RABGAP1L: variants seen among roughly 807,000 people sequenced by gnomAD.
RABGAP1L encodes RAB GTPase activating protein 1 like.
In RABGAP1L, 63 loss-of-function variants were observed where a neutral mutation model predicts 137.7. That is an observed-to-expected ratio of 0.46 (90% CI 0.37 to 0.56). The LOEUF (loss-of-function observed/expected upper bound fraction) is 0.56. Ranked by LOEUF, RABGAP1L falls within the 20% of genes least tolerant of loss-of-function variation. The pLI, the probability that RABGAP1L is intolerant of heterozygous loss-of-function variation, is 0.00. For missense variants in RABGAP1L, 1,095 were observed against 1,244.0 expected, an observed-to-expected ratio of 0.88 and a Z score of 1.80; for synonymous variants, 431 against 433.7, an observed-to-expected ratio of 0.99 and a Z score of 0.08.
chr1:174,607,788 C>T (rs1670895673), intron 13 of RABGAP1L, among the ~76,000 whole-genome samples: 1 of 152,136 alleles, frequency 6.6e-6, no homozygotes, highest in Non-Finnish European at 1.5e-5. Flanking sequence ...AGCATTTTAG[C>T]CTAGGCTGAG....
intron 18 of RABGAP1L, among the ~76,000 whole-genome samples, chr1:174,780,373 C>T (rs919588725): frequency 1.3e-5 from 2 of 152,130 alleles, no homozygotes; most frequent in South Asian, 2.1e-4. Context: ...ACATACCTTA[C>T]GCTTGCCTGC....
intron 14 of RABGAP1L, among the ~76,000 whole-genome samples, chr1:174,666,387 G>A (rs1351967010): frequency 1.3e-5 from 2 of 152,146 alleles, no homozygotes; most frequent in Non-Finnish European, 2.9e-5. Flanking sequence ...TCTTCTCAGC[G>A]TTGCTATTCA....
At chr1:174,823,707 A>G (rs952136547) in intron 19 of RABGAP1L, among the ~76,000 whole-genome samples, 1 of 152,212 alleles carries the variant, frequency 6.6e-6, no homozygotes, top group African/African-American at 2.4e-5. Context: ...AGAAGATTCA[A>G]AAGGTTCCCA....
chr1:174,247,131 A>G (rs1672332961), intron 5 of RABGAP1L, among the ~76,000 whole-genome samples: 1 of 152,124 alleles, frequency 6.6e-6, no homozygotes, highest in Non-Finnish European at 1.5e-5. Flanking sequence ...AGAATTTGCC[A>G]AGTTCTTTGA....
chr1:174,399,831 T>C (rs1648333441), intron 13 of RABGAP1L, among the ~76,000 whole-genome samples: 1 of 152,162 alleles, frequency 6.6e-6, no homozygotes, highest in Non-Finnish European at 1.5e-5. Context: ...ACGAGAACAC[T>C]GTGGGGTAAA....
At chr1:174,410,842 T>G (rs1649840906) in intron 13 of RABGAP1L, among the ~76,000 whole-genome samples, 1 of 152,230 alleles carries the variant, frequency 6.6e-6, no homozygotes, top group Non-Finnish European at 1.5e-5. Context: ...GTATGGCCAC[T>G]TTAATGAAAT....
At chr1:174,849,014 CTTT>C (rs1488899576) in intron 19 of RABGAP1L, among the ~76,000 whole-genome samples, 5 of 152,150 alleles carry the variant, frequency 3.3e-5, no homozygotes, top group Admixed American at 6.5e-5. Flanking sequence ...TCACCGCTTT[CTTT>C]GACTCAGAAA....
At chr1:174,652,600 C>T (rs1408703523) in intron 14 of RABGAP1L, among the ~76,000 whole-genome samples, 1 of 152,176 alleles carries the variant, frequency 6.6e-6, no homozygotes, top group Non-Finnish European at 1.5e-5. Context: ...CATTCCAGAC[C>T]TTGTTTGCCT....
At chr1:174,423,898 TTC>T (rs906229163) in intron 13 of RABGAP1L, among the ~76,000 whole-genome samples, 2 of 152,164 alleles carry the variant, frequency 1.3e-5, no homozygotes, top group African/African-American at 4.8e-5. Flanking sequence ...GAACCAAACT[TTC>T]TCTGTTTTTA....
intron 19 of RABGAP1L, among the ~76,000 whole-genome samples, chr1:174,858,456 G>T (rs1321568115): frequency 6.6e-6 from 1 of 152,096 alleles, no homozygotes; most frequent in African/African-American, 2.4e-5. Context: ...GGTGTGCAGA[G>T]GCCAATGATT....
chr1:174,583,308 A>C (rs1453482746), intron 13 of RABGAP1L, among the ~76,000 whole-genome samples: 2 of 152,110 alleles, frequency 1.3e-5, no homozygotes, highest in African/African-American at 4.8e-5. Context: ...TAAAAATTCC[A>C]TTTCAAGGGA....
chr1:174,932,162 A>G (rs1663938278), intron 19 of RABGAP1L, among the ~76,000 whole-genome samples: 1 of 151,466 alleles, frequency 6.6e-6, no homozygotes, highest in East Asian at 1.9e-4. Flanking sequence ...CTTTTCCTTC[A>G]TATAGGATGA....
At chr1:174,394,262 C>G in intron 13 of RABGAP1L, 117 bp downstream of exon 13, 1 of 1,218,500 alleles carries the variant, frequency 8.2e-7, no homozygotes, top group East Asian at 2.5e-5. Flanking sequence ...ATATTGAGGT[C>G]GTGAAGTCAG....
At chr1:174,462,399 A>G (rs1656788330) in intron 13 of RABGAP1L, among the ~76,000 whole-genome samples, 1 of 152,192 alleles carries the variant, frequency 6.6e-6, no homozygotes, top group African/African-American at 2.4e-5. Flanking sequence ...TTTTTTAAAC[A>G]AATTTTACAT....
intron 13 of RABGAP1L, among the ~76,000 whole-genome samples, chr1:174,427,610 C>G (rs1332211196): frequency 6.6e-6 from 1 of 151,868 alleles, no homozygotes; most frequent in Non-Finnish European, 1.5e-5. Flanking sequence ...TTCTTATTCC[C>G]CTAGATAGAA....
chr1:174,854,031 A>G (rs1321146902), intron 19 of RABGAP1L, among the ~76,000 whole-genome samples: 1 of 152,340 alleles, frequency 6.6e-6, no homozygotes, highest in Middle Eastern at 3.4e-3. Flanking sequence ...TGATAAAGAA[A>G]TTGGTGGGAA....
At chr1:174,894,817 C>A (rs1290089854) in intron 19 of RABGAP1L, among the ~76,000 whole-genome samples, 2 of 152,136 alleles carry the variant, frequency 1.3e-5, no homozygotes, top group Non-Finnish European at 2.9e-5. Flanking sequence ...AGTGCAGTGA[C>A]ACGATCTTGA....
At chr1:174,631,633 T>G in intron 13 of RABGAP1L, among the ~76,000 whole-genome samples, 1 of 88,650 alleles carries the variant, frequency 1.1e-5, no homozygotes, top group Non-Finnish European at 2.1e-5. Flanking sequence ...AATTGATCCC[T>G]TTACCATTAT....
chr1:174,564,274 T>C (rs1414564550), intron 13 of RABGAP1L, among the ~76,000 whole-genome samples: 1 of 152,176 alleles, frequency 6.6e-6, no homozygotes, highest in Non-Finnish European at 1.5e-5. Context: ...CCCATTTTTT[T>C]CCCCTGAGAC....
Sources: allele counts gnomAD v4.1 joint callset (sites outside exome capture counted in the v4.1 genomes callset), GRCh38; gene constraint gnomAD v4.1.1; transcripts MANE v1.5; gene names NCBI Gene and HGNC (gene_info 2026-07-23, HGNC 2026-07-21).